SH3GL2: variants seen among roughly 807,000 people sequenced by gnomAD.
The protein encoded by SH3GL2 is endophilin-A1.
A neutral mutation model predicts 46.0 loss-of-function variants in SH3GL2; 24 were observed. The ratio of observed to expected loss-of-function variants is 0.52; its 90% CI spans 0.38 to 0.73. The LOEUF (loss-of-function observed/expected upper bound fraction) is 0.73, where lower values mean the gene tolerates loss of function less well. Ranked by LOEUF, SH3GL2 falls within the 30% of genes least tolerant of loss-of-function variation. The pLI is 0.00. For synonymous variants in SH3GL2, 196 were observed against 147.1 expected (o/e 1.33, Z -2.40); for missense variants, 413 against 424.2 (o/e 0.97, Z 0.23).
At chr9:17,602,153 A>G (rs1007899444) in intron 1 of SH3GL2, among the ~76,000 whole-genome samples, 1 of 152,212 alleles carries the variant, frequency 6.6e-6, no homozygotes, top group Non-Finnish European at 1.5e-5. Flanking sequence ...AGACGTCTTT[A>G]AAGTTCTCTT....
At chr9:17,696,828 G>A (rs919918272) in intron 1 of SH3GL2, among the ~76,000 whole-genome samples, 1 of 152,124 alleles carries the variant, frequency 6.6e-6, no homozygotes, top group African/African-American at 2.4e-5. Flanking sequence ...ATTTTTCATA[G>A]CCCATTTTTT....
At chr9:17,666,545 C>CTGT (rs112240956) in intron 1 of SH3GL2, among the ~76,000 whole-genome samples, 1 of 142,046 alleles carries the variant, frequency 7.0e-6, no homozygotes, top group African/African-American at 2.6e-5. Flanking sequence ...ACAAAGGTAA[C>CTGT]GTGTGTGTGT....
chr9:17,623,250 T>A (rs1367103705), intron 1 of SH3GL2, among the ~76,000 whole-genome samples: 1 of 152,038 alleles, frequency 6.6e-6, no homozygotes, highest in Non-Finnish European at 1.5e-5. Flanking sequence ...GTCCCTACGA[T>A]ACGTCTGAAT....
At chr9:17,775,328 G>A (rs906391042) in intron 3 of SH3GL2, among the ~76,000 whole-genome samples, 5 of 152,088 alleles carry the variant, frequency 3.3e-5, no homozygotes, top group Non-Finnish European at 4.4e-5. Context: ...CCATTTCAAC[G>A]AAATAGCCGT....
chr9:17,733,673 G>A (rs961659138), intron 1 of SH3GL2, among the ~76,000 whole-genome samples: 2 of 151,910 alleles, frequency 1.3e-5, no homozygotes, highest in Admixed American at 6.6e-5. Context: ...ATGCACACAT[G>A]TGTTTATTGC....
At chr9:17,595,504 C>A (rs1290853850) in intron 1 of SH3GL2, among the ~76,000 whole-genome samples, 3 of 152,168 alleles carry the variant, frequency 2.0e-5, no homozygotes, top group Non-Finnish European at 4.4e-5. Context: ...TAAAACACTT[C>A]TGGAGATCAG....
chr9:17,774,352 A>G (rs1321343692), intron 3 of SH3GL2, among the ~76,000 whole-genome samples: 2 of 152,114 alleles, frequency 1.3e-5, no homozygotes, highest in Non-Finnish European at 2.9e-5. Flanking sequence ...AGTGGGCATC[A>G]TTGTCTCGTT....
At chr9:17,729,392 A>T (rs1184822880) in intron 1 of SH3GL2, among the ~76,000 whole-genome samples, 2 of 151,788 alleles carry the variant, frequency 1.3e-5, no homozygotes, top group East Asian at 3.9e-4. Context: ...GATTGCAAAA[A>T]TTTTCCCCCA....
chr9:17,717,387 G>A (rs1245915811), intron 1 of SH3GL2, among the ~76,000 whole-genome samples: 1 of 151,978 alleles, frequency 6.6e-6, no homozygotes, highest in Non-Finnish European at 1.5e-5. Context: ...AAAGTCATAT[G>A]AAATTAATCT....
At chr9:17,728,822 T>G (rs1822094346) in intron 1 of SH3GL2, among the ~76,000 whole-genome samples, 1 of 152,212 alleles carries the variant, frequency 6.6e-6, no homozygotes, top group South Asian at 2.1e-4. Flanking sequence ...TTTTTATGGC[T>G]GCATAGTATT....
Position 17,664,291 on chromosome 9 carries a change from C to T in SH3GL2, c.46-82775C>T, listed in dbSNP as rs187505360. Reference sequence around the variant, plus strand: ...AAGCAAGCTTCCTTTTATTATTTCTCATACCACAGATACAATATCCAGAAA... The same window carrying T: ...AAGCAAGCTTCCTTTTATTATTTCTTATACCACAGATACAATATCCAGAAA... On this transcript the variant is annotated intron_variant, in intron 1 of 8. Transcript: ENST00000380607. Among the ~76,000 whole-genome samples, 175 of 152,266 alleles carry T rather than the reference C, an allele frequency of 1.1e-3. 1 individual carries two copies. Among genetic ancestry groups the T allele is most frequent in the African/African-American group, 4.0e-3 (166 of 41,562 alleles).
intron 1 of SH3GL2, among the ~76,000 whole-genome samples, chr9:17,723,285 T>A (rs1821940756): frequency 6.6e-6 from 1 of 152,138 alleles, no homozygotes; most frequent in African/African-American, 2.4e-5. Context: ...CAAACTTCAA[T>A]ATATTATATT....
At chr9:17,740,812 G>T (rs985006343) in intron 1 of SH3GL2, among the ~76,000 whole-genome samples, 15 of 152,024 alleles carry the variant, frequency 9.9e-5, no homozygotes, top group South Asian at 4.1e-4. Context: ...AGTTGACAAA[G>T]TGCTTTTACA....
chr9:17,606,868 G>A (rs567751128), intron 1 of SH3GL2, among the ~76,000 whole-genome samples: 1 of 152,330 alleles, frequency 6.6e-6, no homozygotes, highest in East Asian at 1.9e-4. Flanking sequence ...CAGCTTCAGT[G>A]AAGTGGCAAT....
chr9:17,707,654 A>G (rs1429104719), intron 1 of SH3GL2, among the ~76,000 whole-genome samples: 1 of 151,888 alleles, frequency 6.6e-6, no homozygotes, highest in Non-Finnish European at 1.5e-5. Flanking sequence ...GATGTGAAAA[A>G]CTCTTCCTTT....
intron 1 of SH3GL2, among the ~76,000 whole-genome samples, chr9:17,682,110 T>A (rs555722677): frequency 6.6e-6 from 1 of 152,166 alleles, no homozygotes. Flanking sequence ...ACACTGTTGG[T>A]GGGAATGTAA....
At chr9:17,734,708 C>CATAATTATA (rs200268367) in intron 1 of SH3GL2, among the ~76,000 whole-genome samples, 1,549 of 152,126 alleles carry the variant, frequency 0.01, 16 homozygotes, top group Middle Eastern at 0.024. Context: ...CAAAACACCA[C>CATAATTATA]ATAATTATAT....
chr9:17,744,588 G>A lies in SH3GL2; in HGVS notation c.46-2478G>A, dbSNP rs989137159. Among the ~76,000 whole-genome samples, 37 of 151,984 alleles carry A rather than the reference G, an allele frequency of 2.4e-4. 2 individuals are homozygous for A. Among genetic ancestry groups the A allele is most frequent in the Non-Finnish European group, 1.5e-5 (1 of 67,994 alleles). On this transcript the variant is annotated intron_variant, in intron 1 of 8. Transcript: ENST00000380607. The stretch of plus-strand genomic sequence containing the variant: ...TACTACGTTGCCCAGGCTGGTCTCG[G>A]AAATCCTGGGCTCAAGCGATCCTCC...
intron 1 of SH3GL2, among the ~76,000 whole-genome samples, chr9:17,583,528 T>C (rs1190181247): frequency 1.3e-5 from 2 of 152,202 alleles, no homozygotes; most frequent in African/African-American, 4.8e-5. Flanking sequence ...CATCTTGGAC[T>C]GCTAGCCTCC....
Sources: gnomAD v4.1 joint callset for allele counts (sites outside exome capture counted in the v4.1 genomes callset) on GRCh38, gnomAD v4.1.1 for gene constraint, MANE v1.5 for transcripts, NCBI Gene and HGNC (gene_info 2026-07-23, HGNC 2026-07-21) for gene names.